The following PNPLA8 variants were observed in gnomAD, a reference collection of about 807,000 sequenced individuals.
PNPLA8 encodes the protein calcium-independent phospholipase A2-gamma.
In PNPLA8, 39 loss-of-function variants were observed where a neutral mutation model predicts 76.9. The ratio of observed to expected loss-of-function variants is 0.51; its 90% CI spans 0.39 to 0.66. The LOEUF is 0.66. Ranked by LOEUF, PNPLA8 falls within the 30% of genes least tolerant of loss-of-function variation. The pLI, the probability that PNPLA8 is intolerant of heterozygous loss-of-function variation, is 0.00. For synonymous variants in PNPLA8, 301 were observed against 307.9 expected (o/e 0.98, Z 0.24); for missense variants, 887 against 918.0 (o/e 0.97, Z 0.44).
intron 5 of PNPLA8, among the ~76,000 whole-genome samples, chr7:108,497,933 G>T (rs77977529): frequency 0.048 from 7,215 of 149,726 alleles, 241 homozygotes; most frequent in South Asian, 0.11. Context: ...GGAGGTTGAG[G>T]TAAGAGGATC....
chr7:108,482,018 T>C (rs1860433037), intron 9 of PNPLA8, among the ~76,000 whole-genome samples: 1 of 152,204 alleles, frequency 6.6e-6, no homozygotes, highest in African/African-American at 2.4e-5. Flanking sequence ...CAAATGGCCA[T>C]ATATGTGGGA....
intron 2 of PNPLA8, among the ~76,000 whole-genome samples, chr7:108,520,348 G>C (rs942966238): frequency 9.2e-5 from 14 of 152,130 alleles, no homozygotes; most frequent in African/African-American, 3.4e-4. Context: ...GCCATGCTCT[G>C]TTTTCACTTA....
At chr7:108,490,755 G>A (rs2154515320) in intron 8 of PNPLA8, among the ~76,000 whole-genome samples, 1 of 151,242 alleles carries the variant, frequency 6.6e-6, no homozygotes, top group East Asian at 2.0e-4. Context: ...CTGCACTCCA[G>A]CCTGGGCGAC....
At chr7:108,516,555 T>C (rs1482981462) in intron 2 of PNPLA8, among the ~76,000 whole-genome samples, 5 of 152,122 alleles carry the variant, frequency 3.3e-5, no homozygotes, top group Non-Finnish European at 5.9e-5. Flanking sequence ...TTTGAGACAA[T>C]ATCAAATGCA....
At chr7:108,504,875 G>T (rs908480924) in intron 4 of PNPLA8, among the ~76,000 whole-genome samples, 1 of 152,082 alleles carries the variant, frequency 6.6e-6, no homozygotes, top group Non-Finnish European at 1.5e-5. Flanking sequence ...TTGGGAGTTC[G>T]AGACCAGCCT....
At chr7:108,490,112 G>A (rs1042466652) in intron 8 of PNPLA8, among the ~76,000 whole-genome samples, 2 of 152,030 alleles carry the variant, frequency 1.3e-5, no homozygotes, top group Non-Finnish European at 2.9e-5. Context: ...CTAGATATTT[G>A]TATATCTGTA....
At position 108,479,280 on chromosome 7, in the gene PNPLA8, T is replaced by C. The variant is rs781616866; in HGVS notation, c.1978A>G (p.Thr660Ala). 12 of 1,612,802 alleles carry C rather than the reference T, an allele frequency of 7.4e-6. No individual in the cohort carries two copies. The highest frequency in any genetic ancestry group is 1.0e-5 in the Non-Finnish European group (12 of 1,178,758). ...CTCACATCACTCTCATAACGTCCAG[T>C]GCCCAGGGATACTATGCACTCTAAC... ...VPLECIVSLG[T>A]GRYESDVRNT... Residue 660 changes from threonine (T) to alanine (A), a missense_variant, in exon 10 of 11, where the codon ACT becomes GCT. Thr to Ala is a moderately conservative substitution (Grantham distance 58). Transcript: ENST00000257694.
chr7:108,504,624 C>G (rs1308054189), intron 4 of PNPLA8, among the ~76,000 whole-genome samples: 1 of 152,160 alleles, frequency 6.6e-6, no homozygotes, highest in Non-Finnish European at 1.5e-5. Flanking sequence ...TAAGGTGATT[C>G]TAAAATTCAT....
intron 2 of PNPLA8, among the ~76,000 whole-genome samples, chr7:108,518,518 G>A (rs1483521438): frequency 1.3e-5 from 2 of 152,022 alleles, no homozygotes; most frequent in African/African-American, 2.4e-5. Flanking sequence ...GACTGCGTGT[G>A]AATGCAGGCT....
intron 2 of PNPLA8, among the ~76,000 whole-genome samples, chr7:108,516,972 C>G (rs536391738): frequency 9.2e-5 from 14 of 151,376 alleles, no homozygotes; most frequent in African/African-American, 3.4e-4. Flanking sequence ...AATAAGACAA[C>G]GAGGCAGAGA....
chr7:108,513,095 G>A (rs920954631), intron 4 of PNPLA8, among the ~76,000 whole-genome samples: 1 of 152,072 alleles, frequency 6.6e-6, no homozygotes. Flanking sequence ...CCAGAACTAT[G>A]AGAAATAAAT....
At position 108,489,953 on chromosome 7, in the gene PNPLA8, T is replaced by C. The variant is rs138128826; in HGVS notation, c.1683+1457A>G. 2.1e-3 allele frequency among the ~76,000 whole-genome samples: 319 copies of C among 152,314 alleles called. 2 individuals are homozygous for C. Among genetic ancestry groups the C allele is most frequent in the African/African-American group, 7.4e-3 (309 of 41,576 alleles). On this transcript the variant is annotated intron_variant, in intron 8 of 10. Coordinates refer to ENST00000257694, the MANE Select transcript of PNPLA8 (RefSeq NM_001256007.3). ...ATTACAATTTTAATGGGGATTCAAT[T>C]TTTATAATAATATAATCTAATATAG... is the stretch of plus-strand genomic sequence containing the variant.
chr7:108,505,826 G>A (rs1393704259), intron 4 of PNPLA8, among the ~76,000 whole-genome samples: 2 of 152,062 alleles, frequency 1.3e-5, no homozygotes, highest in Admixed American at 6.6e-5. Context: ...CGATTTGTAA[G>A]ACATACACAT....
chr7:108,473,974 G>A (rs1859801868), intron 10 of PNPLA8, among the ~76,000 whole-genome samples: 1 of 152,058 alleles, frequency 6.6e-6, no homozygotes. Context: ...TTACAGGTGT[G>A]AACCACCATA....
intron 10 of PNPLA8, among the ~76,000 whole-genome samples, chr7:108,473,010 C>A (rs1422339095): frequency 6.6e-6 from 1 of 152,138 alleles, no homozygotes; most frequent in African/African-American, 2.4e-5. Context: ...CATTTACATC[C>A]AGTGCAACTC....
In PNPLA8 at chr7:108,472,575, T is replaced by C; in HGVS notation, c.2175A>G (p.Glu725=). The change falls in exon 11 of 11, where the codon GAA becomes GAG. Residue 725 remains glutamate, a synonymous_variant. Transcript: ENST00000257694. ...CTTCCAACTGCAGCTGATCCAGCTT[T>C]TCATTTCGACTTTCATCTAGAGGTA... ...ENIPLDESRN[E]KLDQLQLEGL... The C allele has an allele frequency of 1.9e-6, 3 of 1,613,280 alleles. No individual in the cohort carries two copies. Among genetic ancestry groups the C allele is most frequent in the Non-Finnish European group, 2.5e-6 (3 of 1,179,742 alleles).
intron 7 of PNPLA8, among the ~76,000 whole-genome samples, chr7:108,495,024 C>T (rs1400599077): frequency 6.6e-6 from 1 of 152,120 alleles, no homozygotes; most frequent in African/African-American, 2.4e-5. Flanking sequence ...GCTTCAAAAT[C>T]TCTCAAACTG....
chr7:108,474,087 C>T (rs574047019), intron 10 of PNPLA8, among the ~76,000 whole-genome samples: 1 of 152,048 alleles, frequency 6.6e-6, no homozygotes, highest in South Asian at 2.1e-4. Flanking sequence ...GGGTCAGATG[C>T]ATGTTTTATC....
At chr7:108,512,299 T>C (rs1014954153) in intron 4 of PNPLA8, among the ~76,000 whole-genome samples, 2 of 152,192 alleles carry the variant, frequency 1.3e-5, no homozygotes, top group African/African-American at 2.4e-5. Flanking sequence ...GGGTAAAATA[T>C]ATTATTTTTA....
Sources: gnomAD v4.1 joint callset for allele counts (sites outside exome capture counted in the v4.1 genomes callset) on GRCh38, gnomAD v4.1.1 for gene constraint, MANE v1.5 for transcripts, NCBI Gene and HGNC (gene_info 2026-07-23, HGNC 2026-07-21) for gene names.